The following PDE12 variants were observed in gnomAD, a reference collection of about 807,000 sequenced individuals.
PDE12 encodes the protein 2',5'-phosphodiesterase 12.
Under a neutral mutation model 45.4 loss-of-function variants are expected in PDE12, and 26 were observed. The observed-to-expected ratio is 0.57, with a 90% CI of 0.42 to 0.79. PDE12 has a LOEUF of 0.79. Ranked by LOEUF, PDE12 falls within the 30% of genes least tolerant of loss-of-function variation. PDE12 has a pLI of 0.00. For synonymous variants in PDE12, 283 were observed against 323.9 expected, an observed-to-expected ratio of 0.87 and a Z score of 1.36; for missense variants, 668 against 790.0, an observed-to-expected ratio of 0.85 and a Z score of 1.85.
rs1436249929 is a variant in PDE12 at position 57,565,301 on chromosome 3, AAATT to A, written c.*5300_*5303del. 1 of 152,170 alleles carries A rather than the reference AAATT, an allele frequency of 6.6e-6. No homozygotes were observed. The highest frequency in any genetic ancestry group is 6.5e-5 in the Admixed American group (1 of 15,274). The allele number at this position is 152,170 out of a possible 1,614,324, so 9.4% of individuals were successfully genotyped here. A position where few individuals can be genotyped will look rare whatever the true frequency, so the allele number is the denominator to read the frequency against. On this transcript the variant is annotated 3_prime_UTR_variant, in exon 3 of 3. Coordinates refer to ENST00000311180, the MANE Select transcript of PDE12 (RefSeq NM_177966.7). The stretch of plus-strand genomic sequence containing the variant: ...AGCACACATAGCCCTTTTTTTAAAA[AAATT>A]AAAAACAAATTTTTTCTCCAGAAAA...
In PDE12 at chr3:57,556,287, G is replaced by C; in HGVS notation, c.-93G>C. The C allele has an allele frequency of 7.6e-7, 1 of 1,310,882 alleles. No individual in the cohort carries two copies. The highest frequency in any genetic ancestry group is 1.0e-6 in the Non-Finnish European group (1 of 981,114). The allele number at this position is 1,310,882 out of a possible 1,614,324, so 81.2% of individuals were successfully genotyped here. On this transcript the variant is annotated 5_prime_UTR_variant, in exon 1 of 3. An upstream start codon of the reference 5' UTR is lost. Transcript: ENST00000311180. The surrounding 1 kb of genome is among the most constrained non-coding windows in gnomAD (Gnocchi z 5.0). ...TAGCCGGAAGTCGCGAGATCTGAAT[G>C]AGTCAAAGCCGGCGGCCTCGGCTCC...
At chr3:57,652,164 G>T in the PDE12 span, among the ~76,000 whole-genome samples, 1 of 152,230 alleles carries the variant, frequency 6.6e-6, no homozygotes, top group Non-Finnish European at 1.5e-5. Context: ...TGGTTTGATT[G>T]TAATTAACAG....
At chr3:57,580,067 T>C in the PDE12 span, among the ~76,000 whole-genome samples, 2 of 152,118 alleles carry the variant, frequency 1.3e-5, no homozygotes, top group Non-Finnish European at 2.9e-5. Flanking sequence ...ATCATGCCAC[T>C]GCACTCTAGC....
Position 57,559,745 on chromosome 3 carries a change from A to G in PDE12, c.1571A>G (p.Asn524Ser), listed in dbSNP as rs150322656. ...IPEDHEDWAS[N>S]GEEERCNMSL... ...GAGGATCATGAAGACTGGGCTTCCAATGGGGAGGAGGAAAGATGCAATATG... is the reference window on the plus strand; with the variant it reads ...GAGGATCATGAAGACTGGGCTTCCAGTGGGGAGGAGGAAAGATGCAATATG... The change falls in exon 3 of 3, where the codon AAT becomes AGT. Residue 524 changes from asparagine to serine, a missense_variant. Coordinates refer to ENST00000311180, the MANE Select transcript of PDE12 (RefSeq NM_177966.7). 25 of 1,614,082 alleles carry G rather than the reference A, an allele frequency of 1.5e-5. No individual in the cohort carries two copies. Among genetic ancestry groups the G allele is most frequent in the Admixed American group, 1.5e-4 (9 of 60,000 alleles).
At chr3:57,654,973 A>G in the PDE12 span, 1 of 218,764 alleles carries the variant, frequency 4.6e-6, no homozygotes, top group Non-Finnish European at 7.7e-6. Context: ...TGCTTGATAT[A>G]ATACTATCAC....
At position 57,556,645 on chromosome 3, in the gene PDE12, C is replaced by T. The variant is rs111486295; in HGVS notation, c.266C>T (p.Ala89Val). ...AATGCCCTAAAGGGTCACGCTAAGG[C>T]GGCCGCCGCCAAGAAGAGCAGGAAG... ...ATNALKGHAK[A>V]AAAKKSRKSR... Residue 89 changes from alanine to valine, a missense_variant, in exon 1 of 3, where the codon GCG becomes GTG. Around this residue, in one of 3 missense-constraint regions of PDE12, gnomAD observed 580 missense variants for 662.9 expected, o/e 0.87. Transcript: ENST00000311180. The surrounding 1 kb of genome is among the most constrained non-coding windows in gnomAD (Gnocchi z 5.0). The T allele has an allele frequency of 2.5e-6, 4 of 1,601,218 alleles. No homozygotes were observed. In the African/African-American group the frequency reaches 4.0e-5, roughly 16 times the overall value.
the PDE12 span, among the ~76,000 whole-genome samples, chr3:57,598,798 A>T: frequency 6.6e-6 from 1 of 151,934 alleles, no homozygotes; most frequent in Non-Finnish European, 1.5e-5. Flanking sequence ...AACAACAACA[A>T]CAAAAAAACC....
At chr3:57,559,064 C>T (rs1402522832) in intron 1 of PDE12, among the ~76,000 whole-genome samples, 1 of 151,232 alleles carries the variant, frequency 6.6e-6, no homozygotes, top group Non-Finnish European at 1.5e-5. Flanking sequence ...ACTACAAATA[C>T]AAAAAAATTA....
chr3:57,599,635 T>C, the PDE12 span, among the ~76,000 whole-genome samples: 1 of 152,176 alleles, frequency 6.6e-6, no homozygotes, highest in Non-Finnish European at 1.5e-5. Context: ...AAAACAAAAG[T>C]TGTCAAAACA....
chr3:57,603,510 G>A, the PDE12 span, among the ~76,000 whole-genome samples: 1 of 151,116 alleles, frequency 6.6e-6, no homozygotes, highest in African/African-American at 2.4e-5. Context: ...GCTAATTTTT[G>A]TATTTTTAGT....
intron 1 of PDE12, 59 bp from the exon 2 acceptor site, chr3:57,559,251 A>G: frequency 7.3e-7 from 1 of 1,376,028 alleles, no homozygotes. Flanking sequence ...AAACAAACAA[A>G]AACATTCAGG....
At chr3:57,575,361 G>T in the PDE12 span, among the ~76,000 whole-genome samples, 1 of 149,842 alleles carries the variant, frequency 6.7e-6, no homozygotes, top group Non-Finnish European at 1.5e-5. Flanking sequence ...CTATTCTACA[G>T]TAGTTTTCCG....
At chr3:57,622,101 G>A in the PDE12 span, among the ~76,000 whole-genome samples, 3 of 152,266 alleles carry the variant, frequency 2.0e-5, no homozygotes, top group African/African-American at 4.8e-5. Flanking sequence ...ACTTGAACCC[G>A]GGAGGTGGAG....
At chr3:57,582,184 T>C in the PDE12 span, among the ~76,000 whole-genome samples, 1 of 152,246 alleles carries the variant, frequency 6.6e-6, no homozygotes, top group East Asian at 1.9e-4. Flanking sequence ...TTTTAAAGCA[T>C]GTGCCTCTGT....
the PDE12 span, among the ~76,000 whole-genome samples, chr3:57,649,093 C>A: frequency 1.2e-4 from 18 of 152,216 alleles, no homozygotes; most frequent in African/African-American, 4.3e-4. Context: ...AGGAGAAAAT[C>A]TTCACAATCT....
the PDE12 span, among the ~76,000 whole-genome samples, chr3:57,630,121 C>T: frequency 6.6e-6 from 1 of 152,214 alleles, no homozygotes; most frequent in African/African-American, 2.4e-5. Flanking sequence ...CTCCAGCACA[C>T]TGTTGGCTCC....
the PDE12 span, among the ~76,000 whole-genome samples, chr3:57,643,006 CA>C: frequency 3.5e-3 from 368 of 104,534 alleles, no homozygotes; most frequent in South Asian, 0.011. Context: ...GACTTCATCT[CA>C]AAAAAAAAAA....
chr3:57,584,033 C>T, the PDE12 span: 3 of 1,434,140 alleles, frequency 2.1e-6, no homozygotes, highest in East Asian at 2.3e-5. Flanking sequence ...AAAATGACCG[C>T]TGTGCAGCGT....
At chr3:57,581,461 T>C in the PDE12 span, among the ~76,000 whole-genome samples, 1 of 152,166 alleles carries the variant, frequency 6.6e-6, no homozygotes. Context: ...GGTCAAGAAT[T>C]ATTAGGCTTA....
Sources: gnomAD v4.1 joint callset for allele counts (sites outside exome capture counted in the v4.1 genomes callset) on GRCh38, gnomAD v4.1.1 for gene constraint, gnomAD v4.1.1 regional missense constraint, Gnocchi (gnomAD v3.1) non-coding constraint, MANE v1.5 for transcripts, NCBI Gene and HGNC (gene_info 2026-07-23, HGNC 2026-07-21) for gene names.